ERGIC2: variants seen among roughly 807,000 people sequenced by gnomAD.
ERGIC2 encodes the protein endoplasmic reticulum-Golgi intermediate compartment protein 2.
In ERGIC2, 31 loss-of-function variants were observed where a neutral mutation model predicts 52.5. The observed-to-expected ratio is 0.59, with a 90% CI of 0.44 to 0.80. The LOEUF is 0.80. Ranked by LOEUF, ERGIC2 falls within the 30% of genes least tolerant of loss-of-function variation. The probability of loss-of-function intolerance (pLI) is 0.00; values close to 1 mark genes in which losing one functional copy is unlikely to be tolerated. For missense variants in ERGIC2, 395 were observed against 455.2 expected (o/e 0.87, Z 1.20); for synonymous variants, 129 against 140.6 (o/e 0.92, Z 0.58).
rs1427084608 is a variant in ERGIC2, at chr12:29,366,904, T to C, written c.306A>G (p.Ala102=). The C allele has an allele frequency of 1.2e-6, 2 of 1,604,738 alleles. No homozygotes were observed. The highest frequency in any genetic ancestry group is 1.7e-6 in the Non-Finnish European group (2 of 1,174,882). The change falls in exon 5 of 14, where the codon GCA becomes GCG. Residue 102 remains alanine, a synonymous_variant. Coordinates refer to ENST00000360150, the MANE Select transcript of ERGIC2 (RefSeq NM_016570.3). ...DVLDLAETMV[A]SADGLVYEPT... ...GTTCATAAACTAAACCATCTGCAGATGCAACCATTGTTTCTGCTAAATCCA... is the reference window on the plus strand; with the variant it reads ...GTTCATAAACTAAACCATCTGCAGACGCAACCATTGTTTCTGCTAAATCCA...
At chr12:29,380,131 AT>A (rs1330148655) in intron 1 of ERGIC2, among the ~76,000 whole-genome samples, 2 of 151,720 alleles carry the variant, frequency 1.3e-5, no homozygotes, top group Non-Finnish European at 2.9e-5. Flanking sequence ...AAAAATCAGA[AT>A]TTTTTTCCTC....
Position 29,357,703 on chromosome 12 carries a change from A to G in ERGIC2, c.396T>C (p.Ser132=), listed in dbSNP as rs762062476. 2.1e-5 allele frequency: 34 copies of G among 1,605,132 alleles called. No individual in the cohort carries two copies. The South Asian group carries it at 3.5e-4, about 17-fold the overall frequency. ...EWQRMLQLIQ[S]RLQEEHSLQD... ...GAAGTGAATGCTCTTCTTGTAGCCT[A>G]CTCTGAATCAGCTGCAGCATCCTAA... is the stretch of plus-strand genomic sequence containing the variant. The change falls in exon 7 of 14, where the codon AGT becomes AGC. Residue 132 remains serine, a synonymous_variant. Coordinates refer to ENST00000360150, the MANE Select transcript of ERGIC2 (RefSeq NM_016570.3).
intron 5 of ERGIC2, among the ~76,000 whole-genome samples, chr12:29,363,113 G>A (rs951148060): frequency 1.3e-5 from 2 of 152,132 alleles, no homozygotes; most frequent in Non-Finnish European, 2.9e-5. Context: ...ACATGAGGAA[G>A]CAGGAGCTCA....
At chr12:29,349,261 CTATT>C in intron 9 of ERGIC2, 84 bp from the exon 10 acceptor site, 1 of 533,300 alleles carries the variant, frequency 1.9e-6, no homozygotes, top group Non-Finnish European at 3.3e-6. Context: ...ACATCCTTAT[CTATT>C]CTCAAATGAA....
chr12:29,373,036 A>T (rs932916196), intron 1 of ERGIC2: 2 of 152,184 alleles, frequency 1.3e-5, no homozygotes, highest in African/African-American at 4.8e-5. Context: ...ATAAGAAAAG[A>T]CTAGAAGGTC....
intron 1 of ERGIC2, chr12:29,372,352 TAAAA>T (rs1422777619): frequency 4.2e-5 from 6 of 144,226 alleles, no homozygotes; most frequent in African/African-American, 1.5e-4. Flanking sequence ...CAAATAAAAA[TAAAA>T]ATAATAATAA....
At position 29,338,955 on chromosome 12, in the gene ERGIC2, C is replaced by CAGGT. The variant is rs1949817752; in HGVS notation, c.*2197_*2200dup. Reference sequence around the variant, plus strand: ...TCCAGGCATAGGGAAAGTTGCATAACAGGTAGGTGAGTAAAGTGCTCTCTG... The same window carrying CAGGT: ...TCCAGGCATAGGGAAAGTTGCATAACAGGTAGGTAGGTGAGTAAAGTGCTCTCTG... On this transcript the variant is annotated 3_prime_UTR_variant, in exon 14 of 14. Transcript: ENST00000360150. 1 of 152,242 alleles carries CAGGT rather than the reference C, an allele frequency of 6.6e-6. No individual in the cohort carries two copies. The highest frequency in any genetic ancestry group is 2.4e-5 in the African/African-American group (1 of 41,534). The allele number at this position is 152,242 out of a possible 1,614,324, so 9.4% of individuals were successfully genotyped here. A position where few individuals can be genotyped will look rare whatever the true frequency, so the allele number is the denominator to read the frequency against.
chr12:29,371,711 A>C, intron 1 of ERGIC2, 41 bp from the exon 2 acceptor site: 1 of 905,566 alleles, frequency 1.1e-6, no homozygotes, highest in Non-Finnish European at 1.7e-6. Flanking sequence ...AATCCTTTAA[A>C]GAGATAAAAA....
intron 10 of ERGIC2, among the ~76,000 whole-genome samples, chr12:29,347,534 T>C (rs1940070778): frequency 6.6e-6 from 1 of 152,046 alleles, no homozygotes; most frequent in Non-Finnish European, 1.5e-5. Context: ...TCAGAGCCGT[T>C]TGCCCTAACA....
chr12:29,341,288 C>G, intron 13 of ERGIC2, 70 bp from the exon 14 acceptor site: 1 of 1,251,040 alleles, frequency 8.0e-7, no homozygotes, highest in Non-Finnish European at 1.1e-6. Flanking sequence ...CCTCTAAACA[C>G]AAGGTTTTAT....
At chr12:29,373,317 A>C (rs1225840283) in intron 1 of ERGIC2, among the ~76,000 whole-genome samples, 1 of 152,154 alleles carries the variant, frequency 6.6e-6, no homozygotes, top group Non-Finnish European at 1.5e-5. Context: ...CTGATTTATA[A>C]ATAATACTAT....
intron 3 of ERGIC2, among the ~76,000 whole-genome samples, chr12:29,368,516 C>A (rs1045940473): frequency 6.6e-6 from 1 of 151,782 alleles, no homozygotes; most frequent in Non-Finnish European, 1.5e-5. Context: ...AACACAGTAT[C>A]CTTTAATAAT....
intron 11 of ERGIC2, 126 bp from the exon 12 acceptor site, chr12:29,343,408 A>T (rs1324714341): frequency 6.8e-6 from 4 of 590,394 alleles, no homozygotes; most frequent in African/African-American, 5.6e-5. Flanking sequence ...GGACATCCAC[A>T]TTTCCTTATG....
chr12:29,358,152 C>T (rs1199761498), intron 6 of ERGIC2, among the ~76,000 whole-genome samples: 1 of 152,164 alleles, frequency 6.6e-6, no homozygotes. Context: ...TGGTACATTA[C>T]TCAGTATAAA....
chr12:29,342,022 CTTT>C (rs547754640), intron 12 of ERGIC2, among the ~76,000 whole-genome samples: 1 of 147,600 alleles, frequency 6.8e-6, no homozygotes, highest in Non-Finnish European at 1.5e-5. Context: ...TCAGCACAAT[CTTT>C]TTTTTTTTGA....
chr12:29,375,676 T>C, intron 1 of ERGIC2, among the ~76,000 whole-genome samples: 1 of 152,166 alleles, frequency 6.6e-6, no homozygotes, highest in East Asian at 1.9e-4. Flanking sequence ...AAGCAGTTAG[T>C]TTTACAAATC....
At chr12:29,370,550 A>T (rs1208024969) in intron 2 of ERGIC2, among the ~76,000 whole-genome samples, 1 of 152,032 alleles carries the variant, frequency 6.6e-6, no homozygotes, top group African/African-American at 2.4e-5. Context: ...AGTGTCACAG[A>T]TAGGATAAAT....
At chr12:29,361,578 A>T (rs1214070602) in intron 6 of ERGIC2, 67 bp downstream of exon 6, 15 of 1,199,110 alleles carry the variant, frequency 1.3e-5, no homozygotes, top group Non-Finnish European at 1.3e-5. Flanking sequence ...TTAATCTATA[A>T]ATAGTTTACA....
intron 2 of ERGIC2, 101 bp from the exon 3 acceptor site, chr12:29,370,323 C>T: frequency 7.8e-7 from 1 of 1,287,278 alleles, no homozygotes. Flanking sequence ...AAAGAAAAAG[C>T]CTAATAATGT....
Sources: allele counts gnomAD v4.1 joint callset (sites outside exome capture counted in the v4.1 genomes callset), GRCh38; gene constraint gnomAD v4.1.1; transcripts MANE v1.5; gene names NCBI Gene and HGNC (gene_info 2026-07-23, HGNC 2026-07-21).